Variants in LINGO2 observed in about 807,000 individuals in gnomAD.
The protein encoded by LINGO2 is leucine rich repeat and Ig domain containing 2, also known as leucine-rich repeat and immunoglobulin-like domain-containing nogo receptor-interacting protein 2.
In LINGO2, 14 loss-of-function variants were observed where a neutral mutation model predicts 30.6. The ratio of observed to expected loss-of-function variants is 0.46; its 90% CI spans 0.30 to 0.72. The LOEUF (loss-of-function observed/expected upper bound fraction) is 0.72. Ranked by LOEUF, LINGO2 falls within the 30% of genes least tolerant of loss-of-function variation. The pLI is 0.07. For missense variants in LINGO2, 729 were observed against 751.7 expected (o/e 0.97, Z 0.35); for synonymous variants, 317 against 288.5 (o/e 1.10, Z -1.00).
chr9:28,330,398 C>T (rs1825377786), intron 3 of LINGO2, among the ~76,000 whole-genome samples: 1 of 152,144 alleles, frequency 6.6e-6, no homozygotes, highest in Non-Finnish European at 1.5e-5. Flanking sequence ...TCCCATATGT[C>T]ACCCATCCTC....
At chr9:28,495,551 G>T (rs1358285309) in intron 1 of LINGO2, among the ~76,000 whole-genome samples, 1 of 151,870 alleles carries the variant, frequency 6.6e-6, no homozygotes, top group East Asian at 1.9e-4. Context: ...ATTTCTGAGG[G>T]CTCTGTTCTG....
chr9:28,864,372 T>C, the LINGO2 span, among the ~76,000 whole-genome samples: 1 of 152,210 alleles, frequency 6.6e-6, no homozygotes, highest in East Asian at 1.9e-4. Context: ...TTATACATAT[T>C]AGGTTCAACT....
chr9:28,075,899 G>C (rs1825608834), intron 4 of LINGO2, among the ~76,000 whole-genome samples: 1 of 151,836 alleles, frequency 6.6e-6, no homozygotes, highest in African/African-American at 2.4e-5. Context: ...TTTTAAGGTA[G>C]AAAAATTTGT....
At chr9:27,996,376 C>G (rs1338219378) in intron 5 of LINGO2, among the ~76,000 whole-genome samples, 2 of 152,108 alleles carry the variant, frequency 1.3e-5, no homozygotes, top group African/African-American at 4.8e-5. Context: ...AAAATATAGA[C>G]TCAATCTAAA....
chr9:28,026,200 C>T lies in LINGO2; in HGVS notation c.-86-13795G>A, dbSNP rs555234482. ...AGTTTAAATCCCTTTGTTAAGTGTA[C>T]TCATGCCCTTTTTGTTGCTAAGATT... On this transcript the variant is annotated intron_variant, in intron 4 of 5. Coordinates refer to ENST00000379992, the Ensembl canonical transcript of LINGO2. Among the ~76,000 whole-genome samples the T allele has an allele frequency of 3.9e-5, 6 of 152,296 alleles. No individual in the cohort carries two copies. The East Asian group carries it at 1.2e-3, about 29-fold the overall frequency.
At chr9:28,319,251 G>C (rs148946041) in intron 3 of LINGO2, among the ~76,000 whole-genome samples, 67 of 152,206 alleles carry the variant, frequency 4.4e-4, no homozygotes, top group Non-Finnish European at 7.5e-4. Context: ...CGTGACTTGT[G>C]GCCCCTCTCC....
At chr9:28,039,022 A>C (rs1315552473) in intron 4 of LINGO2, among the ~76,000 whole-genome samples, 1 of 152,168 alleles carries the variant, frequency 6.6e-6, no homozygotes, top group Non-Finnish European at 1.5e-5. Context: ...GGAGTTTGGC[A>C]AGGAAAGATC....
intron 2 of LINGO2, among the ~76,000 whole-genome samples, chr9:28,439,629 C>T (rs895475750): frequency 4.6e-5 from 7 of 152,122 alleles, no homozygotes; most frequent in Non-Finnish European, 1.0e-4. Flanking sequence ...CATCCTCCTG[C>T]TCCAGTCATA....
chr9:28,590,031 C>T (rs1163718578), intron 1 of LINGO2, among the ~76,000 whole-genome samples: 1 of 152,052 alleles, frequency 6.6e-6, no homozygotes, highest in African/African-American at 2.4e-5. Flanking sequence ...CTTTGACAAA[C>T]CTGAGAAAAA....
intron 1 of LINGO2, among the ~76,000 whole-genome samples, chr9:28,511,754 C>A (rs1369655183): frequency 6.6e-6 from 1 of 152,198 alleles, no homozygotes; most frequent in South Asian, 2.1e-4. Context: ...CCACTGGCTA[C>A]AGCCCATGCA....
chr9:28,891,208 G>C, the LINGO2 span, among the ~76,000 whole-genome samples: 1 of 151,910 alleles, frequency 6.6e-6, no homozygotes, highest in Non-Finnish European at 1.5e-5. Context: ...AGTTCTACAA[G>C]CAGAGACCTG....
the LINGO2 span, among the ~76,000 whole-genome samples, chr9:28,855,112 A>G: frequency 1.9e-4 from 29 of 152,020 alleles, 2 homozygotes; most frequent in Admixed American, 1.8e-3. Context: ...AGAGATTGAT[A>G]AACGGGTTCT....
At chr9:28,675,774 G>C in the LINGO2 span, among the ~76,000 whole-genome samples, 3 of 151,062 alleles carry the variant, frequency 2.0e-5, no homozygotes, top group Non-Finnish European at 3.0e-5. Context: ...GGGAGGCTGA[G>C]GCAGGAGAAT....
At chr9:28,274,559 C>T (rs1015510189) in intron 4 of LINGO2, among the ~76,000 whole-genome samples, 1 of 152,130 alleles carries the variant, frequency 6.6e-6, no homozygotes, top group Non-Finnish European at 1.5e-5. Context: ...TTAGATTTAT[C>T]TATCAATTAT....
the LINGO2 span, among the ~76,000 whole-genome samples, chr9:29,061,666 T>C: frequency 6.6e-6 from 1 of 151,986 alleles, no homozygotes; most frequent in Non-Finnish European, 1.5e-5. Flanking sequence ...CCTTACACCA[T>C]ATACAAAAAT....
the LINGO2 span, among the ~76,000 whole-genome samples, chr9:28,774,343 A>T: frequency 6.6e-6 from 1 of 152,152 alleles, no homozygotes; most frequent in Admixed American, 6.5e-5. Flanking sequence ...AATGAAATAC[A>T]TGTTTTGCAT....
chr9:28,663,668 C>T (rs923940914), intron 1 of LINGO2, among the ~76,000 whole-genome samples: 1 of 152,094 alleles, frequency 6.6e-6, no homozygotes, highest in Non-Finnish European at 1.5e-5. Context: ...ATTTTAATAT[C>T]TTTCAACAAA....
At chr9:28,433,502 G>GA (rs1200303999) in intron 2 of LINGO2, among the ~76,000 whole-genome samples, 2 of 151,852 alleles carry the variant, frequency 1.3e-5, no homozygotes, top group Non-Finnish European at 2.9e-5. Flanking sequence ...TGATGGAAAG[G>GA]AAAAAAACAG....
At chr9:28,100,550 C>T (rs1026100463) in intron 4 of LINGO2, among the ~76,000 whole-genome samples, 12 of 152,106 alleles carry the variant, frequency 7.9e-5, no homozygotes, top group Admixed American at 2.0e-4. Flanking sequence ...ACATTTGAGT[C>T]CAAAAAGAAA....
Sources: allele counts gnomAD v4.1 joint callset (sites outside exome capture counted in the v4.1 genomes callset), GRCh38; gene constraint gnomAD v4.1.1; transcripts MANE v1.5; gene names NCBI Gene and HGNC (gene_info 2026-07-23, HGNC 2026-07-21).